VAV3: variants seen among roughly 807,000 people sequenced by gnomAD.
The protein encoded by VAV3 is guanine nucleotide exchange factor VAV3.
In VAV3, 94 loss-of-function variants were observed where a neutral mutation model predicts 131.2. The observed-to-expected ratio is 0.72, with a 90% CI of 0.61 to 0.85. The LOEUF (loss-of-function observed/expected upper bound fraction) is 0.85. Among genes scored for constraint, VAV3 ranks in the 40% least tolerant of loss-of-function variants. VAV3 has a pLI of 0.00. For missense variants in VAV3, 939 were observed against 1,002.7 expected, an observed-to-expected ratio of 0.94 and a Z score of 0.86; for synonymous variants, 349 against 342.0, an observed-to-expected ratio of 1.02 and a Z score of -0.22.
At chr1:107,839,923 A>G (rs77469433) in intron 2 of VAV3, among the ~76,000 whole-genome samples, 7,978 of 152,240 alleles carry the variant, frequency 0.052, 400 homozygotes, top group African/African-American at 0.13. Flanking sequence ...TTGATAACTT[A>G]GGTGAAACAG....
chr1:107,699,585 C>A (rs1314407440), intron 17 of VAV3, among the ~76,000 whole-genome samples: 1 of 152,222 alleles, frequency 6.6e-6, no homozygotes, highest in Non-Finnish European at 1.5e-5. Context: ...TGTGTGGGAG[C>A]TCCAACCCCA....
At chr1:107,658,319 G>C (rs991147760) in intron 19 of VAV3, among the ~76,000 whole-genome samples, 1 of 152,196 alleles carries the variant, frequency 6.6e-6, no homozygotes. Flanking sequence ...CGGTGTATAT[G>C]TGCCACATTT....
chr1:107,779,383 A>G (rs2102224878), intron 3 of VAV3, 51 bp downstream of exon 3: 1 of 1,488,192 alleles, frequency 6.7e-7, no homozygotes, highest in Non-Finnish European at 9.1e-7. Context: ...TTAATAAAGA[A>G]TCATTACACT....
In VAV3 at chr1:107,726,551, C is replaced by G. The variant is rs183606276; in HGVS notation, c.1503-21490G>C. Reference sequence around the variant, plus strand: ...TTCTTGTGCTTGTAACATCAAAAAGCCTTCTTCACTAAAAGCTAGCAGTTA... The same window carrying G: ...TTCTTGTGCTTGTAACATCAAAAAGGCTTCTTCACTAAAAGCTAGCAGTTA... On this transcript the variant is annotated intron_variant, in intron 15 of 26. Coordinates refer to ENST00000370056, the MANE Select transcript of VAV3 (RefSeq NM_006113.5). 5.2e-3 allele frequency among the ~76,000 whole-genome samples: 787 copies of G among 152,156 alleles called. 2 individuals are homozygous for G. The highest frequency in any genetic ancestry group is 8.4e-3 in the Non-Finnish European group (573 of 67,998).
chr1:107,865,489 ACAATATTAAT>A (rs997278788), intron 2 of VAV3, among the ~76,000 whole-genome samples: 49 of 152,350 alleles, frequency 3.2e-4, no homozygotes, highest in African/African-American at 1.2e-3. Context: ...GGCAAAGGAA[ACAATATTAAT>A]CAATATTAAT....
At chr1:107,674,239 G>A (rs910682882) in intron 19 of VAV3, among the ~76,000 whole-genome samples, 5 of 152,196 alleles carry the variant, frequency 3.3e-5, no homozygotes, top group Non-Finnish European at 7.3e-5. Context: ...TAAGCAGAGT[G>A]AGTTCTGCTG....
intron 19 of VAV3, among the ~76,000 whole-genome samples, chr1:107,666,797 G>A (rs183608296): frequency 6.6e-5 from 10 of 152,068 alleles, no homozygotes; most frequent in Non-Finnish European, 1.3e-4. Flanking sequence ...ATATTAACTC[G>A]TTTAAGCCTC....
At chr1:107,630,313 G>A (rs557872403) in intron 20 of VAV3, among the ~76,000 whole-genome samples, 1 of 152,020 alleles carries the variant, frequency 6.6e-6, no homozygotes, top group South Asian at 2.1e-4. Flanking sequence ...ATGAATGGAT[G>A]AATGGTAGGA....
chr1:107,861,940 G>T (rs1263523199), intron 2 of VAV3, among the ~76,000 whole-genome samples: 1 of 151,616 alleles, frequency 6.6e-6, no homozygotes, highest in Non-Finnish European at 1.5e-5. Flanking sequence ...TGTTCTGAAA[G>T]ATTTAAAAAC....
chr1:107,609,234 A>C (rs192487655), intron 22 of VAV3, among the ~76,000 whole-genome samples: 56 of 152,338 alleles, frequency 3.7e-4, no homozygotes, highest in African/African-American at 1.1e-3. Context: ...TAAATCCTAA[A>C]TATATTTTTT....
chr1:107,735,631 CA>C (rs112875324), intron 15 of VAV3, among the ~76,000 whole-genome samples: 58,489 of 151,878 alleles, frequency 0.39, 11,529 homozygotes, highest in East Asian at 0.49. Context: ...TTCCTAGACA[CA>C]TACACTCTCC....
chr1:107,674,001 AAAT>A, intron 19 of VAV3, among the ~76,000 whole-genome samples: 1 of 152,352 alleles, frequency 6.6e-6, no homozygotes, highest in East Asian at 1.9e-4. Flanking sequence ...CCTCATTTTT[AAAT>A]AATACTTGGA....
At chr1:107,690,917 T>C (rs1659385664) in intron 17 of VAV3, among the ~76,000 whole-genome samples, 1 of 152,146 alleles carries the variant, frequency 6.6e-6, no homozygotes, top group Admixed American at 6.6e-5. Flanking sequence ...TCATGCTGAG[T>C]GTGCCACATA....
At chr1:107,628,025 C>T (rs1275719868) in intron 20 of VAV3, among the ~76,000 whole-genome samples, 1 of 149,408 alleles carries the variant, frequency 6.7e-6, no homozygotes, top group East Asian at 1.9e-4. Context: ...ACCCTTAGGA[C>T]ACAGTATGAT....
At chr1:107,686,524 T>C (rs962300108) in intron 18 of VAV3, among the ~76,000 whole-genome samples, 1 of 152,178 alleles carries the variant, frequency 6.6e-6, no homozygotes, top group East Asian at 1.9e-4. Flanking sequence ...ACACCTGGTA[T>C]AGGGTGAGAG....
chr1:107,640,273 G>C (rs547020818), intron 20 of VAV3, among the ~76,000 whole-genome samples: 1 of 152,208 alleles, frequency 6.6e-6, no homozygotes, highest in African/African-American at 2.4e-5. Context: ...CACATGGAAC[G>C]ATAATCAGCG....
rs143507466 is a variant in VAV3 at position 107,812,906 on chromosome 1, G to A, written c.322-33414C>T. 7.9e-3 allele frequency among the ~76,000 whole-genome samples: 1,207 copies of A among 152,182 alleles called. 13 individuals carry two copies. The highest frequency in any genetic ancestry group is 0.017 in the South Asian group (84 of 4,822). Reference sequence around the variant, plus strand: ...TGGGAGGCCAAGGCAGGCGGATCACGAGATCAGGAGATTGAGATCACCCTG... The same window carrying A: ...TGGGAGGCCAAGGCAGGCGGATCACAAGATCAGGAGATTGAGATCACCCTG... On this transcript the variant is annotated intron_variant, in intron 2 of 26. Coordinates refer to ENST00000370056, the MANE Select transcript of VAV3 (RefSeq NM_006113.5).
At chr1:107,828,319 G>A (rs1323673641) in intron 2 of VAV3, among the ~76,000 whole-genome samples, 2 of 152,178 alleles carry the variant, frequency 1.3e-5, no homozygotes, top group Non-Finnish European at 1.5e-5. Flanking sequence ...GACCTAGGCT[G>A]TAAGGCAGAA....
chr1:107,822,335 G>T (rs1289761190), intron 2 of VAV3, among the ~76,000 whole-genome samples: 3 of 151,878 alleles, frequency 2.0e-5, no homozygotes. Flanking sequence ...GGAACTGGAG[G>T]AATGAGAAAA....
Sources: gnomAD v4.1 joint callset for allele counts (sites outside exome capture counted in the v4.1 genomes callset) on GRCh38, gnomAD v4.1.1 for gene constraint, MANE v1.5 for transcripts, NCBI Gene and HGNC (gene_info 2026-07-23, HGNC 2026-07-21) for gene names.